Variants in CCDC6 observed in about 807,000 individuals in gnomAD.
CCDC6 encodes the protein coiled-coil domain-containing protein 6.
CCDC6 carries 20 observed loss-of-function variants against 56.6 expected under a neutral mutation model. The ratio of observed to expected loss-of-function variants is 0.35; its 90% CI spans 0.25 to 0.51. CCDC6 has a LOEUF of 0.51. CCDC6 is among the 20% of genes least tolerant of loss of function. The pLI is 0.95. For synonymous variants in CCDC6, 241 were observed against 234.4 expected, an observed-to-expected ratio of 1.03 and a Z score of -0.26; for missense variants, 367 against 601.1, an observed-to-expected ratio of 0.61 and a Z score of 4.07.
Position 59,852,139 on chromosome 10 carries a change from A to G in CCDC6, c.453+414T>C, listed in dbSNP as rs561594269. Among the ~76,000 whole-genome samples, 11 of 152,322 alleles carry G rather than the reference A, an allele frequency of 7.2e-5. No homozygotes were observed. In the South Asian group the frequency reaches 2.3e-3, roughly 32 times the overall value. ...ATGGATACCTTTCTACTTCCTAAAG[A>G]TGTTTCACTTCATATCCTCATATTT... is the stretch of plus-strand genomic sequence containing the variant. On this transcript the variant is annotated intron_variant, in intron 2 of 8. Transcript: ENST00000263102.
intron 7 of CCDC6, among the ~76,000 whole-genome samples, chr10:59,799,221 G>A (rs1053193640): frequency 3.3e-5 from 5 of 151,274 alleles, no homozygotes; most frequent in African/African-American, 7.3e-5. Flanking sequence ...ACTTGAGGTC[G>A]GGAATTCAAG....
Position 59,793,121 on chromosome 10 carries a change from G to A in CCDC6, c.1231-10C>T. On this transcript the variant is annotated splice_polypyrimidine_tract_variant and intron_variant, in intron 8 of 8. Coordinates refer to ENST00000263102, the MANE Select transcript of CCDC6 (RefSeq NM_005436.5). ...TCCGTGGTGAAGGCCTCTGCAGAGGGGACAGGAACAGCAAGTCAGTCTAGG... is the reference window on the plus strand; with the variant it reads ...TCCGTGGTGAAGGCCTCTGCAGAGGAGACAGGAACAGCAAGTCAGTCTAGG... 6.2e-7 allele frequency: 1 copy of A among 1,613,062 alleles called. No homozygotes were observed.
chr10:59,808,335 G>C (rs933350113), intron 5 of CCDC6, among the ~76,000 whole-genome samples: 2 of 152,084 alleles, frequency 1.3e-5, no homozygotes, highest in African/African-American at 4.8e-5. Context: ...GTCCTTCCAA[G>C]GTTATTCTTC....
At chr10:59,899,236 G>A (rs1450941912) in intron 1 of CCDC6, among the ~76,000 whole-genome samples, 2 of 152,112 alleles carry the variant, frequency 1.3e-5, no homozygotes, top group East Asian at 3.9e-4. Context: ...TTGAACCTGT[G>A]AACATTTACT....
intron 2 of CCDC6, among the ~76,000 whole-genome samples, chr10:59,841,970 G>C (rs1269976648): frequency 6.6e-6 from 1 of 150,750 alleles, no homozygotes; most frequent in Non-Finnish European, 1.5e-5. Flanking sequence ...CCGACCCCAT[G>C]TCTTGTTCTT....
In CCDC6 at chr10:59,876,066, CAGAT is replaced by C. The variant is rs1564754299; in HGVS notation, c.304-23368_304-23365del. ...CTACACACATACACGAGTGCATGCA[CAGAT>C]GTCTTTTTTTTTTTTTTTTTTCAGA... On this transcript the variant is annotated intron_variant, in intron 1 of 8. Transcript: ENST00000263102. 2.4e-4 allele frequency among the ~76,000 whole-genome samples: 29 copies of C among 118,662 alleles called. No homozygotes were observed. The South Asian group carries it at 2.7e-3, about 11-fold the overall frequency. The allele number at this position is 118,662 out of a possible 152,430, so 77.8% of individuals were successfully genotyped here.
At chr10:59,871,081 C>T (rs906596405) in intron 1 of CCDC6, among the ~76,000 whole-genome samples, 5 of 152,056 alleles carry the variant, frequency 3.3e-5, no homozygotes, top group Admixed American at 2.0e-4. Context: ...AGACTATGCA[C>T]ATTATGATCC....
At chr10:59,826,970 A>C (rs1004976262) in intron 3 of CCDC6, among the ~76,000 whole-genome samples, 1 of 152,218 alleles carries the variant, frequency 6.6e-6, no homozygotes. Flanking sequence ...GCCCTCCTTC[A>C]TCTTATAGGG....
intron 1 of CCDC6, among the ~76,000 whole-genome samples, chr10:59,883,570 C>T (rs2071362098): frequency 6.6e-6 from 1 of 152,208 alleles, no homozygotes. Context: ...AGGCTGATGA[C>T]AGGGAAAAAC....
At chr10:59,848,087 G>A (rs975725452) in intron 2 of CCDC6, among the ~76,000 whole-genome samples, 32 of 152,066 alleles carry the variant, frequency 2.1e-4, no homozygotes, top group African/African-American at 6.8e-4. Context: ...GAGTGTGCCC[G>A]TGTGCCCTGC....
intron 2 of CCDC6, among the ~76,000 whole-genome samples, chr10:59,841,883 G>A (rs373764817): frequency 3.3e-5 from 5 of 151,818 alleles, no homozygotes; most frequent in Non-Finnish European, 2.9e-5. Flanking sequence ...TAGCCAGGAC[G>A]GTCTCGATCT....
chr10:59,847,360 T>G (rs993293481), intron 2 of CCDC6, among the ~76,000 whole-genome samples: 2 of 151,106 alleles, frequency 1.3e-5, no homozygotes, highest in East Asian at 1.9e-4. Context: ...GCCTAGAAAT[T>G]TTTTTTTAAA....
At chr10:59,873,880 G>A (rs1025851294) in intron 1 of CCDC6, among the ~76,000 whole-genome samples, 1 of 152,110 alleles carries the variant, frequency 6.6e-6, no homozygotes, top group Non-Finnish European at 1.5e-5. Context: ...AAACAGAATA[G>A]TTAAAACAAT....
intron 1 of CCDC6, among the ~76,000 whole-genome samples, chr10:59,884,773 G>A (rs1413869535): frequency 6.6e-6 from 1 of 152,142 alleles, no homozygotes. Context: ...AACACTTAGG[G>A]CATAAGGTGG....
At position 59,792,770 on chromosome 10, in the gene CCDC6, A is replaced by G; in HGVS notation, c.*147T>C. The G allele has an allele frequency of 1.1e-6, 1 of 893,420 alleles. No homozygotes were observed. Among genetic ancestry groups the G allele is most frequent in the Non-Finnish European group, 1.9e-6 (1 of 532,190 alleles). The allele number at this position is 893,420 out of a possible 1,614,324, so 55.3% of individuals were successfully genotyped here. On this transcript the variant is annotated 3_prime_UTR_variant, in exon 9 of 9. Transcript: ENST00000263102. ...ACAACACTGGCTGCATTTCTGACAA[A>G]CATTTACAACACAATGGATAGTGAA...
At chr10:59,870,918 G>A (rs1253535254) in intron 1 of CCDC6, among the ~76,000 whole-genome samples, 1 of 152,202 alleles carries the variant, frequency 6.6e-6, no homozygotes. Flanking sequence ...CTGAGCAGCT[G>A]TATTTGGGGG....
At chr10:59,797,539 G>C (rs1249709794) in intron 7 of CCDC6, among the ~76,000 whole-genome samples, 1 of 115,074 alleles carries the variant, frequency 8.7e-6, no homozygotes, top group Non-Finnish European at 1.7e-5. Flanking sequence ...ATCAACAATT[G>C]ACCAAACTGG....
intron 3 of CCDC6, among the ~76,000 whole-genome samples, chr10:59,819,722 TC>T (rs2070736536): frequency 6.6e-6 from 1 of 152,106 alleles, no homozygotes; most frequent in African/African-American, 2.4e-5. Context: ...TCCACATCCT[TC>T]CTAGTATCAT....
chr10:59,825,537 AC>A (rs1462489499), intron 3 of CCDC6, among the ~76,000 whole-genome samples: 1 of 152,232 alleles, frequency 6.6e-6, no homozygotes, highest in East Asian at 1.9e-4. Flanking sequence ...TAGTAAAACC[AC>A]ATCACCCAAG....
Sources: gnomAD v4.1 joint callset for allele counts (sites outside exome capture counted in the v4.1 genomes callset) on GRCh38, gnomAD v4.1.1 for gene constraint, MANE v1.5 for transcripts, NCBI Gene and HGNC (gene_info 2026-07-23, HGNC 2026-07-21) for gene names.